DPYD: variants seen among roughly 807,000 people sequenced by gnomAD.
DPYD encodes dihydropyrimidine dehydrogenase.
DPYD carries 109 observed loss-of-function variants against 116.2 expected under a neutral mutation model. The observed-to-expected ratio is 0.94, with a 90% CI of 0.80 to 1.10. The LOEUF (loss-of-function observed/expected upper bound fraction) is 1.10. DPYD is among the 50% of genes least tolerant of loss of function. DPYD has a pLI of 0.00. For missense variants in DPYD, 1,302 were observed against 1,254.5 expected (o/e 1.04, Z -0.57); for synonymous variants, 440 against 432.0 (o/e 1.02, Z -0.23).
intron 20 of DPYD, among the ~76,000 whole-genome samples, chr1:97,166,507 C>T (rs1440142219): frequency 6.6e-6 from 1 of 151,918 alleles, no homozygotes; most frequent in East Asian, 1.9e-4. Flanking sequence ...GTAAAAGGGG[C>T]CCCCATGACA....
At chr1:97,196,600 G>A (rs1270477619) in intron 19 of DPYD, among the ~76,000 whole-genome samples, 1 of 152,086 alleles carries the variant, frequency 6.6e-6, no homozygotes, top group Non-Finnish European at 1.5e-5. Context: ...TAGGGGCCAG[G>A]CACTTTGTTA....
At chr1:97,152,434 T>TCACACACACA (rs1165081808) in intron 20 of DPYD, among the ~76,000 whole-genome samples, 3 of 106,512 alleles carry the variant, frequency 2.8e-5, no homozygotes, top group Admixed American at 1.0e-4. Context: ...GATGGCTGAA[T>TCACACACACA]CACATACACA....
chr1:97,584,272 G>A (rs1303097815), intron 10 of DPYD, among the ~76,000 whole-genome samples: 1 of 151,814 alleles, frequency 6.6e-6, no homozygotes, highest in Non-Finnish European at 1.5e-5. Context: ...TTTTTTTCTT[G>A]TAAATTTGTT....
intron 3 of DPYD, among the ~76,000 whole-genome samples, chr1:97,800,666 T>G (rs763698202): frequency 6.6e-6 from 1 of 151,908 alleles, no homozygotes; most frequent in Non-Finnish European, 1.5e-5. Context: ...CACTCCCAAA[T>G]AGTGCTGCCA....
chr1:97,397,263 T>C (rs1230545697), intron 14 of DPYD, among the ~76,000 whole-genome samples: 2 of 151,870 alleles, frequency 1.3e-5, no homozygotes, highest in Non-Finnish European at 2.9e-5. Flanking sequence ...GTGTAGACTG[T>C]AGTAGTTATG....
chr1:97,709,106 T>C (rs1400843580), intron 5 of DPYD, among the ~76,000 whole-genome samples: 12 of 151,970 alleles, frequency 7.9e-5, no homozygotes. Flanking sequence ...CTTCTCTGTA[T>C]ACATTTCCTT....
Position 97,515,848 on chromosome 1 carries a change from A to T in DPYD, c.1618T>A (p.Leu540Met), listed in dbSNP as rs774500505. ...AGACCAAAAGGATTTATAAACTTCA[A>T]TCCGGCCATTTCTACACTAATGTCC... is the stretch of plus-strand genomic sequence containing the variant. ...LVDISVEMAG[L>M]KFINPFGLAS... Residue 540 changes from leucine (L) to methionine (M), a missense_variant, in exon 13 of 23, where the codon TTG becomes ATG. Coordinates refer to ENST00000370192, the MANE Select transcript of DPYD (RefSeq NM_000110.4). 1.2e-6 allele frequency: 2 copies of T among 1,612,966 alleles called. No individual in the cohort carries two copies. The highest frequency in any genetic ancestry group is 1.7e-6 in the Non-Finnish European group (2 of 1,179,266).
chr1:97,778,170 A>AG (rs1553238263), intron 3 of DPYD, among the ~76,000 whole-genome samples: 19 of 88,622 alleles, frequency 2.1e-4, no homozygotes, highest in Admixed American at 1.1e-3. Context: ...AAAAAAAAAA[A>AG]AAAGAAAGAA....
chr1:97,118,346 T>C (rs1652145225), intron 20 of DPYD, among the ~76,000 whole-genome samples: 1 of 152,174 alleles, frequency 6.6e-6, no homozygotes, highest in East Asian at 1.9e-4. Flanking sequence ...TTTCCCACCC[T>C]GTCGTTAACC....
At chr1:97,210,773 C>CAT (rs1659984072) in intron 19 of DPYD, among the ~76,000 whole-genome samples, 1 of 152,058 alleles carries the variant, frequency 6.6e-6, no homozygotes, top group Non-Finnish European at 1.5e-5. Flanking sequence ...GCCAGAATAC[C>CAT]ATTCCTAGTT....
At chr1:97,739,644 C>G (rs1664152055) in intron 4 of DPYD, among the ~76,000 whole-genome samples, 1 of 152,010 alleles carries the variant, frequency 6.6e-6, no homozygotes, top group South Asian at 2.1e-4. Context: ...TAGTGTTAAA[C>G]CTTGTGAAAG....
chr1:97,183,065 G>T (rs954367321), intron 20 of DPYD, among the ~76,000 whole-genome samples: 1 of 149,680 alleles, frequency 6.7e-6, no homozygotes, highest in Non-Finnish European at 1.5e-5. Flanking sequence ...TTCTTGTATG[G>T]TTAGTGTTTT....
intron 11 of DPYD, among the ~76,000 whole-genome samples, chr1:97,557,187 A>T (rs2102118198): frequency 6.6e-6 from 1 of 151,184 alleles, no homozygotes; most frequent in South Asian, 2.1e-4. Flanking sequence ...TCCTTCGCCC[A>T]CTTTTTGATG....
At chr1:97,216,707 A>T (rs1298914167) in intron 19 of DPYD, among the ~76,000 whole-genome samples, 1 of 152,112 alleles carries the variant, frequency 6.6e-6, no homozygotes, top group East Asian at 1.9e-4. Context: ...AGGCAGGAGA[A>T]TTGTTTGAAC....
chr1:97,720,849 A>G (rs753561346), intron 5 of DPYD: 13 of 1,604,068 alleles, frequency 8.1e-6, no homozygotes, highest in Non-Finnish European at 1.1e-5. Flanking sequence ...CAAATAGGAG[A>G]CGTCAGAGAG....
At chr1:97,685,907 G>C (rs371588721) in intron 7 of DPYD, among the ~76,000 whole-genome samples, 1 of 152,064 alleles carries the variant, frequency 6.6e-6, no homozygotes, top group Non-Finnish European at 1.5e-5. Context: ...CATCCTGCCC[G>C]AAGCAATTTA....
At chr1:97,609,499 A>G (rs1360675843) in intron 8 of DPYD, among the ~76,000 whole-genome samples, 1 of 152,036 alleles carries the variant, frequency 6.6e-6, no homozygotes, top group Non-Finnish European at 1.5e-5. Flanking sequence ...GTGATTTATT[A>G]CTTAAAAATA....
chr1:97,108,474 T>A (rs955944844), intron 20 of DPYD, among the ~76,000 whole-genome samples: 2 of 152,176 alleles, frequency 1.3e-5, no homozygotes, highest in African/African-American at 2.4e-5. Context: ...ATTATAACTC[T>A]TTCCATCCTA....
chr1:97,271,694 C>T (rs1469514872), intron 18 of DPYD, among the ~76,000 whole-genome samples: 1 of 152,178 alleles, frequency 6.6e-6, no homozygotes, highest in Non-Finnish European at 1.5e-5. Flanking sequence ...AGATCATTTT[C>T]AATTTAGTCC....
Sources: allele counts gnomAD v4.1 joint callset (sites outside exome capture counted in the v4.1 genomes callset), GRCh38; gene constraint gnomAD v4.1.1; transcripts MANE v1.5; gene names NCBI Gene and HGNC (gene_info 2026-07-23, HGNC 2026-07-21).